BMPR1B: variants seen among roughly 807,000 people sequenced by gnomAD.
BMPR1B encodes the protein bone morphogenetic protein receptor type 1B.
In BMPR1B, 12 loss-of-function variants were observed where a neutral mutation model predicts 59.1. The ratio of observed to expected loss-of-function variants is 0.20; its 90% confidence interval spans 0.13 to 0.33. BMPR1B has a LOEUF of 0.33. Ranked by LOEUF, BMPR1B falls within the 10% of genes least tolerant of loss-of-function variation. BMPR1B has a pLI of 1.00. For missense variants in BMPR1B, 550 were observed against 610.9 expected, an observed-to-expected ratio of 0.90 and a Z score of 1.05; for synonymous variants, 237 against 207.3, an observed-to-expected ratio of 1.14 and a Z score of -1.23.
In BMPR1B at chr4:94,884,251, C is replaced by T. The variant is rs181206746; in HGVS notation, c.-113+8351C>T. ...ATATAAAAAACTGACCTCGGCTGGG[C>T]GTGGTGGCTCATGCCTGTAATCCCA... is the stretch of plus-strand genomic sequence containing the variant. On this transcript the variant is annotated intron_variant, in intron 2 of 12. Coordinates refer to ENST00000515059, the MANE Select transcript of BMPR1B (RefSeq NM_001203.3). 3.2e-4 allele frequency among the ~76,000 whole-genome samples: 49 copies of T among 152,184 alleles called. 1 individual carries two copies. Among genetic ancestry groups the T allele is most frequent in the African/African-American group, 1.1e-3 (45 of 41,538 alleles).
chr4:95,049,592 A>G (rs994759920), intron 3 of BMPR1B, among the ~76,000 whole-genome samples: 2 of 151,388 alleles, frequency 1.3e-5, no homozygotes, highest in African/African-American at 4.9e-5. Flanking sequence ...GTAAGATTGT[A>G]CTCATGCTGT....
chr4:94,920,612 C>G (rs1215510764), intron 2 of BMPR1B, among the ~76,000 whole-genome samples: 1 of 152,126 alleles, frequency 6.6e-6, no homozygotes, highest in East Asian at 1.9e-4. Flanking sequence ...GAGGAGTTGT[C>G]AAACACACCA....
Position 95,060,672 on chromosome 4 carries a change from C to T in BMPR1B, c.-17-43736C>T, listed in dbSNP as rs74775302. ...CTGGAAATCTGTTCAGAGTTTGGCT[C>T]TGTGATTGCTCCTTCAGAAAGCACT... On this transcript the variant is annotated intron_variant, in intron 3 of 12. Coordinates refer to ENST00000515059, the MANE Select transcript of BMPR1B (RefSeq NM_001203.3). Among the ~76,000 whole-genome samples the T allele has an allele frequency of 5.2e-3, 798 of 152,258 alleles. 8 individuals are homozygous for T. Among genetic ancestry groups the T allele is most frequent in the African/African-American group, 0.017 (725 of 41,552 alleles).
chr4:94,897,004 AAG>A (rs1347480636), intron 2 of BMPR1B, among the ~76,000 whole-genome samples: 1 of 152,004 alleles, frequency 6.6e-6, no homozygotes. Flanking sequence ...ATGAATCTGA[AAG>A]GATCCTAGGG....
intron 3 of BMPR1B, among the ~76,000 whole-genome samples, chr4:95,008,908 G>C (rs1723034365): frequency 6.6e-6 from 1 of 152,054 alleles, no homozygotes; most frequent in Non-Finnish European, 1.5e-5. Context: ...GAGTGATGAG[G>C]GTTGGGCACA....
At chr4:94,824,149 A>G (rs1246902074) in intron 1 of BMPR1B, among the ~76,000 whole-genome samples, 1 of 152,244 alleles carries the variant, frequency 6.6e-6, no homozygotes, top group Non-Finnish European at 1.5e-5. Flanking sequence ...TAATTCAAGC[A>G]TTTAAAGATA....
At chr4:95,026,437 G>A (rs956187413) in intron 3 of BMPR1B, among the ~76,000 whole-genome samples, 15 of 151,546 alleles carry the variant, frequency 9.9e-5, no homozygotes, top group Non-Finnish European at 1.9e-4. Context: ...TTGTTATTCC[G>A]ATTATTTTAT....
chr4:95,040,382 CTT>C (rs1187847249), intron 3 of BMPR1B, among the ~76,000 whole-genome samples: 2 of 152,108 alleles, frequency 1.3e-5, no homozygotes, highest in African/African-American at 2.4e-5. Flanking sequence ...TTTCAATTGA[CTT>C]ATTTTATATC....
intron 1 of BMPR1B, among the ~76,000 whole-genome samples, chr4:94,862,621 T>G (rs1374030212): frequency 6.7e-6 from 1 of 149,994 alleles, no homozygotes; most frequent in Admixed American, 6.6e-5. Flanking sequence ...CTGGTCAACA[T>G]GATAAAACAC....
intron 2 of BMPR1B, among the ~76,000 whole-genome samples, chr4:94,894,305 T>C (rs532188786): frequency 6.6e-6 from 1 of 152,202 alleles, no homozygotes; most frequent in South Asian, 2.1e-4. Flanking sequence ...GGTTACATTT[T>C]CACATAGATC....
At chr4:95,000,458 A>G (rs568152828) in intron 3 of BMPR1B, among the ~76,000 whole-genome samples, 1 of 152,086 alleles carries the variant, frequency 6.6e-6, no homozygotes, top group East Asian at 1.9e-4. Flanking sequence ...GTGAGCCAAG[A>G]TCACCCCACT....
intron 1 of BMPR1B, among the ~76,000 whole-genome samples, chr4:94,766,853 A>C (rs1441453512): frequency 6.6e-6 from 1 of 152,106 alleles, no homozygotes; most frequent in Admixed American, 6.6e-5. Flanking sequence ...TGGCCTTCAG[A>C]TGATTGGTAA....
chr4:94,924,860 T>G (rs1009749867), intron 2 of BMPR1B, among the ~76,000 whole-genome samples: 6 of 152,146 alleles, frequency 3.9e-5, no homozygotes, highest in Non-Finnish European at 8.8e-5. Flanking sequence ...TTCAGTGATG[T>G]GAGCCAAAAA....
chr4:94,758,331 G>C (rs1279900983), intron 1 of BMPR1B, among the ~76,000 whole-genome samples: 1 of 151,550 alleles, frequency 6.6e-6, no homozygotes, highest in Non-Finnish European at 1.5e-5. Context: ...CTTTGTGCGC[G>C]GGCGGCTCTG....
chr4:95,104,932 G>A (rs756741516), intron 4 of BMPR1B, among the ~76,000 whole-genome samples: 6 of 148,088 alleles, frequency 4.1e-5, no homozygotes, highest in Non-Finnish European at 9.0e-5. Context: ...TTGTTTGTTT[G>A]TTTCAAGCAT....
chr4:94,802,972 G>A (rs1270140954), intron 1 of BMPR1B, among the ~76,000 whole-genome samples: 2 of 152,096 alleles, frequency 1.3e-5, no homozygotes, highest in Non-Finnish European at 2.9e-5. Flanking sequence ...TTGACCTTGT[G>A]CTCACTGTTC....
intron 3 of BMPR1B, among the ~76,000 whole-genome samples, chr4:95,000,246 GTA>G (rs1302921375): frequency 7.6e-5 from 1 of 13,102 alleles, no homozygotes; most frequent in Non-Finnish European, 2.4e-4. Context: ...ACCTTGAATT[GTA>G]TCTCTGTCTT....
chr4:94,936,722 GC>G (rs1035419829), intron 2 of BMPR1B, among the ~76,000 whole-genome samples: 13 of 152,046 alleles, frequency 8.6e-5, no homozygotes, highest in African/African-American at 3.1e-4. Flanking sequence ...GAATGGGTTT[GC>G]CTTTCAGTAG....
chr4:95,124,942 C>T (rs753241385), intron 7 of BMPR1B, 41 bp from the exon 8 acceptor site: 2 of 1,578,192 alleles, frequency 1.3e-6, no homozygotes, highest in South Asian at 2.2e-5. Context: ...TCCATCATTG[C>T]ATTTCATTAT....
Sources: allele counts gnomAD v4.1 joint callset (sites outside exome capture counted in the v4.1 genomes callset), GRCh38; gene constraint gnomAD v4.1.1; transcripts MANE v1.5; gene names NCBI Gene and HGNC (gene_info 2026-07-23, HGNC 2026-07-21).